MCC: variants seen among roughly 807,000 people sequenced by gnomAD.
MCC encodes the protein MCC regulator of Wnt signaling pathway.
A neutral mutation model predicts 116.2 loss-of-function variants in MCC; 90 were observed. The observed-to-expected ratio is 0.77, with a 90% CI of 0.65 to 0.92. The LOEUF (loss-of-function observed/expected upper bound fraction) is 0.92. MCC is among the 40% of genes least tolerant of loss of function. The pLI, the probability that MCC is intolerant of heterozygous loss-of-function variation, is 0.00. For missense variants in MCC, 1,516 were observed against 1,312.2 expected (o/e 1.16, Z -2.40); for synonymous variants, 578 against 510.5 (o/e 1.13, Z -1.78).
At chr5:113,197,288 G>A (rs1202872617) in intron 3 of MCC, among the ~76,000 whole-genome samples, 1 of 152,064 alleles carries the variant, frequency 6.6e-6, no homozygotes, top group Non-Finnish European at 1.5e-5. Flanking sequence ...AGCCCAAATA[G>A]GCAAACAAAG....
intron 3 of MCC, among the ~76,000 whole-genome samples, chr5:113,183,798 G>A (rs1005745): frequency 0.1 from 15,694 of 152,124 alleles, 896 homozygotes; most frequent in Non-Finnish European, 0.12. Flanking sequence ...GAATTCTCTA[G>A]GTTCTGTCTG....
At chr5:113,439,640 C>CA (rs1420597359) in intron 1 of MCC, among the ~76,000 whole-genome samples, 2 of 152,092 alleles carry the variant, frequency 1.3e-5, no homozygotes, top group Admixed American at 1.3e-4. Context: ...GCTGAGGAGG[C>CA]AAAATCCTAG....
intron 17 of MCC, among the ~76,000 whole-genome samples, chr5:113,034,494 CG>C (rs1356401564): frequency 6.6e-6 from 1 of 152,194 alleles, no homozygotes; most frequent in Non-Finnish European, 1.5e-5. Flanking sequence ...CAGGAGTCAT[CG>C]GGCGAGAGCC....
At chr5:113,359,613 A>G (rs1349495092) in intron 2 of MCC, among the ~76,000 whole-genome samples, 1 of 152,246 alleles carries the variant, frequency 6.6e-6, no homozygotes, top group African/African-American at 2.4e-5. Flanking sequence ...AAGCCTCTTT[A>G]ACCTTTTAAA....
At chr5:113,100,940 C>T (rs554216736) in intron 8 of MCC, among the ~76,000 whole-genome samples, 1 of 152,328 alleles carries the variant, frequency 6.6e-6, no homozygotes, top group South Asian at 2.1e-4. Context: ...TTCATTGCTT[C>T]ACCCCCAGTC....
At chr5:113,487,192 C>T (rs348945) in intron 1 of MCC, among the ~76,000 whole-genome samples, 103,596 of 150,274 alleles carry the variant, frequency 0.69, 36,106 homozygotes, top group East Asian at 0.88. Context: ...CCGCACTTTG[C>T]TTTCTTTTTT....
chr5:113,057,063 A>G (rs1752881252), intron 14 of MCC, among the ~76,000 whole-genome samples: 1 of 152,180 alleles, frequency 6.6e-6, no homozygotes, highest in Non-Finnish European at 1.5e-5. Flanking sequence ...AGCTACGTGG[A>G]TGTTTGCAGG....
intron 1 of MCC, among the ~76,000 whole-genome samples, chr5:113,485,904 T>C (rs537203487): frequency 5.3e-5 from 8 of 152,286 alleles, no homozygotes; most frequent in African/African-American, 1.9e-4. Context: ...AAAGTCCAAC[T>C]CTCATGTCTG....
chr5:113,221,134 G>T (rs554391705), intron 3 of MCC, among the ~76,000 whole-genome samples: 1 of 152,234 alleles, frequency 6.6e-6, no homozygotes. Flanking sequence ...AGCTGGGGAA[G>T]TCAAGGCTGC....
intron 1 of MCC, among the ~76,000 whole-genome samples, chr5:113,486,682 A>T (rs1268304106): frequency 1.3e-5 from 2 of 152,016 alleles, no homozygotes; most frequent in African/African-American, 4.8e-5. Flanking sequence ...TTCTCTACTA[A>T]AAATACGAAA....
chr5:113,041,492 G>T (rs898869107), intron 17 of MCC, among the ~76,000 whole-genome samples: 31 of 152,160 alleles, frequency 2.0e-4, no homozygotes, highest in African/African-American at 7.5e-4. Flanking sequence ...AGGAAGAAGG[G>T]GATTCAGAGG....
In MCC at chr5:113,053,837, T is replaced by A; in HGVS notation, c.2336A>T (p.Glu779Val). 6.2e-7 allele frequency: 1 copy of A among 1,614,158 alleles called. No homozygotes were observed. Among genetic ancestry groups the A allele is most frequent in the Non-Finnish European group, 8.5e-7 (1 of 1,180,030 alleles). Residue 779 changes from glutamate (E) to valine (V), a missense_variant, in exon 15 of 19, where the codon GAG becomes GTG. Glu to Val is a moderately radical substitution (Grantham distance 121). Coordinates refer to ENST00000408903, the MANE Select transcript of MCC (RefSeq NM_001085377.2). ...DRAAVKLTMLELESIHIDPLS... is the reference protein window; with the variant it reads ...DRAAVKLTMLVLESIHIDPLS... ...AGGATCGATGTGGATGCTTTCCAGC[T>A]CCAGCATGGTCAGCTTGACCGCAGC...
intron 3 of MCC, among the ~76,000 whole-genome samples, chr5:113,151,667 T>A (rs1759885774): frequency 6.6e-6 from 1 of 152,206 alleles, no homozygotes; most frequent in Admixed American, 6.5e-5. Context: ...TTGCATGGTA[T>A]AATCAGGCCA....
At chr5:113,455,705 T>C (rs142309199) in intron 1 of MCC, among the ~76,000 whole-genome samples, 1 of 152,318 alleles carries the variant, frequency 6.6e-6, no homozygotes, top group Non-Finnish European at 1.5e-5. Context: ...ATCAAACATG[T>C]ATAATGAACC....
chr5:113,240,096 G>A (rs1365450744), intron 3 of MCC, among the ~76,000 whole-genome samples: 3 of 152,146 alleles, frequency 2.0e-5, no homozygotes, highest in Non-Finnish European at 4.4e-5. Flanking sequence ...TCCACATATG[G>A]AATGGAGGGT....
At chr5:113,056,377 G>A (rs944366679) in intron 14 of MCC, among the ~76,000 whole-genome samples, 4 of 152,154 alleles carry the variant, frequency 2.6e-5, no homozygotes, top group South Asian at 2.1e-4. Context: ...TATATACCAC[G>A]AATACTATGT....
At chr5:113,113,351 G>C (rs1757208255) in intron 6 of MCC, among the ~76,000 whole-genome samples, 1 of 152,024 alleles carries the variant, frequency 6.6e-6, no homozygotes, top group South Asian at 2.1e-4. Flanking sequence ...ATTCCATCGA[G>C]GAACAAACAC....
At chr5:113,161,773 TAA>T (rs1383453961) in intron 3 of MCC, among the ~76,000 whole-genome samples, 1 of 152,202 alleles carries the variant, frequency 6.6e-6, no homozygotes, top group African/African-American at 2.4e-5. Context: ...AATTAAAGTG[TAA>T]GAGTTATCCA....
chr5:113,352,639 C>CT (rs967044065), intron 2 of MCC, among the ~76,000 whole-genome samples: 18 of 151,828 alleles, frequency 1.2e-4, no homozygotes, highest in Admixed American at 2.6e-4. Context: ...AAATTATTTC[C>CT]TTTTTTTTCC....
Sources: gnomAD v4.1 joint callset for allele counts (sites outside exome capture counted in the v4.1 genomes callset) on GRCh38, gnomAD v4.1.1 for gene constraint, MANE v1.5 for transcripts, NCBI Gene and HGNC (gene_info 2026-07-23, HGNC 2026-07-21) for gene names.